Variants in TAMM41 observed in about 807,000 individuals in gnomAD.
TAMM41 encodes the protein phosphatidate cytidylyltransferase, mitochondrial.
Under a neutral mutation model 44.1 loss-of-function variants are expected in TAMM41, and 36 were observed. The ratio of observed to expected loss-of-function variants is 0.82; its 90% CI spans 0.63 to 1.08. The LOEUF is 1.08. TAMM41 is among the 50% of genes least tolerant of loss of function. The probability of loss-of-function intolerance (pLI) is 0.00; values close to 1 mark genes in which losing one functional copy is unlikely to be tolerated. For synonymous variants in TAMM41, 164 were observed against 153.1 expected, an observed-to-expected ratio of 1.07 and a Z score of -0.53; for missense variants, 417 against 404.3, an observed-to-expected ratio of 1.03 and a Z score of -0.27.
At chr3:11,826,274 C>T (rs559007395) in intron 4 of TAMM41, among the ~76,000 whole-genome samples, 1 of 152,134 alleles carries the variant, frequency 6.6e-6, no homozygotes, top group Non-Finnish European at 1.5e-5. Context: ...TGGCCCACAC[C>T]TATAATCCCA....
chr3:11,807,587 G>A (rs1056428119), intron 7 of TAMM41: 1 of 1,536,182 alleles, frequency 6.5e-7, no homozygotes, highest in South Asian at 1.2e-5. Context: ...CACACAGGAA[G>A]TGTCTCAGAA....
chr3:11,758,511 C>G, the TAMM41 span, among the ~76,000 whole-genome samples: 1 of 151,648 alleles, frequency 6.6e-6, no homozygotes, highest in African/African-American at 2.4e-5. Context: ...GCCACCATGC[C>G]CAGCTAATTT....
the TAMM41 span, among the ~76,000 whole-genome samples, chr3:11,764,786 C>A: frequency 6.6e-6 from 1 of 152,096 alleles, no homozygotes; most frequent in Non-Finnish European, 1.5e-5. Flanking sequence ...GCCACTGCAC[C>A]CGGCCCATCT....
the TAMM41 span, among the ~76,000 whole-genome samples, chr3:11,768,093 T>G: frequency 2.0e-5 from 3 of 151,474 alleles, no homozygotes; most frequent in Non-Finnish European, 4.4e-5. Flanking sequence ...TCTTTTTATG[T>G]GCTTATTGGC....
rs2079320931 is a variant in TAMM41, at chr3:11,839,208, T to TA, written c.411+13dup. The TA allele has an allele frequency of 6.3e-7, 1 of 1,583,308 alleles. No individual in the cohort carries two copies. Among genetic ancestry groups the TA allele is most frequent in the East Asian group, 2.2e-5 (1 of 44,672 alleles). Reference sequence around the variant, plus strand: ...GAAAGGCATCCTTAACTGTGCAGCCTATAAAACACTCACCGGTTTTTGGAG... The same window carrying TA: ...GAAAGGCATCCTTAACTGTGCAGCCTAATAAAACACTCACCGGTTTTTGGAG... On this transcript the variant is annotated intron_variant, in intron 3 of 7. Transcript: ENST00000455809.
At position 11,790,552 on chromosome 3, in the gene TAMM41, G is replaced by A. The variant is rs368514862; in HGVS notation, c.967C>T (p.Leu323=). The A allele has an allele frequency of 4.1e-5, 66 of 1,614,098 alleles. No individual in the cohort carries two copies. The East Asian group carries it at 5.3e-4, about 13-fold the overall frequency. The stretch of plus-strand genomic sequence containing the variant: ...CCTTTCCACATTTTGTGCAGTTTTA[G>A]TGAACTATAAATCACTGACTTCTTC... ...GLKKSVIYSS[L]KLHKMWKGWL... The change falls in exon 8 of 8, where the codon CTA becomes TTA. Residue 323 remains leucine, a synonymous_variant. Coordinates refer to ENST00000455809, the MANE Select transcript of TAMM41 (RefSeq NM_001284401.2).
the TAMM41 span, among the ~76,000 whole-genome samples, chr3:11,764,653 T>G: frequency 6.6e-6 from 1 of 151,618 alleles, no homozygotes. Flanking sequence ...CCACCACGCC[T>G]GGCTAATTTT....
At chr3:11,739,898 T>C in the TAMM41 span, among the ~76,000 whole-genome samples, 1 of 152,108 alleles carries the variant, frequency 6.6e-6, no homozygotes, top group Non-Finnish European at 1.5e-5. Context: ...CTGTGTTTTA[T>C]TCACTGCAGA....
chr3:11,829,569 C>CGAGGTTAGTGCAGGAACCACTCAAGA, intron 4 of TAMM41, 145 bp downstream of exon 4: 1 of 779,636 alleles, frequency 1.3e-6, no homozygotes, highest in Non-Finnish European at 2.0e-6. Flanking sequence ...AGGCAAATCA[C>CGAGGTTAGTGCAGGAACCACTCAAGA]GAGGTTAGTG....
the TAMM41 span, among the ~76,000 whole-genome samples, chr3:11,774,388 G>A: frequency 6.6e-6 from 1 of 152,162 alleles, no homozygotes; most frequent in Non-Finnish European, 1.5e-5. Context: ...CTGACAGGGA[G>A]GCTCTCCAGC....
At chr3:11,786,404 A>T (rs1269784664), downstream of TAMM41, among the ~76,000 whole-genome samples, 1 of 151,658 alleles carries the variant, frequency 6.6e-6, no homozygotes, top group Non-Finnish European at 1.5e-5. Flanking sequence ...TCCCAGGTTC[A>T]AGCAATTCTC....
chr3:11,776,189 A>AT, the TAMM41 span, among the ~76,000 whole-genome samples: 2,703 of 144,690 alleles, frequency 0.019, 70 homozygotes, highest in African/African-American at 0.064. Flanking sequence ...AATTTTTTGT[A>AT]TTTTTTTTTT....
At chr3:11,786,316 A>ATTATTC (rs1553564672), downstream of TAMM41, among the ~76,000 whole-genome samples, 1 of 134,698 alleles carries the variant, frequency 7.4e-6, no homozygotes, top group Admixed American at 7.4e-5. Context: ...TATTATTATT[A>ATTATTC]TTTTTTGAGA....
At chr3:11,759,258 T>C in the TAMM41 span, among the ~76,000 whole-genome samples, 4 of 151,990 alleles carry the variant, frequency 2.6e-5, no homozygotes, top group African/African-American at 9.6e-5. Flanking sequence ...GTGGAGGGAG[T>C]GATCGCCATC....
At chr3:11,756,695 G>A in the TAMM41 span, among the ~76,000 whole-genome samples, 28 of 151,916 alleles carry the variant, frequency 1.8e-4, no homozygotes, top group African/African-American at 4.8e-4. Context: ...GAGAAACCCC[G>A]TCTCTACTAA....
At chr3:11,728,029 C>T in the TAMM41 span, among the ~76,000 whole-genome samples, 7 of 152,044 alleles carry the variant, frequency 4.6e-5, no homozygotes, top group African/African-American at 1.2e-4. Flanking sequence ...TCAGGTGATC[C>T]GCCCACCTTG....
intron 7 of TAMM41, among the ~76,000 whole-genome samples, chr3:11,805,312 A>AT (rs1313827495): frequency 2.0e-5 from 3 of 151,502 alleles, no homozygotes; most frequent in Admixed American, 6.6e-5. Context: ...TATTTTTTCT[A>AT]TTTTTTTAGA....
intron 4 of TAMM41, among the ~76,000 whole-genome samples, chr3:11,828,282 AC>A (rs1324066714): frequency 6.6e-6 from 1 of 152,164 alleles, no homozygotes; most frequent in Non-Finnish European, 1.5e-5. Context: ...AATCAGCTAA[AC>A]TTGGTAGCAG....
At chr3:11,771,800 A>C in the TAMM41 span, among the ~76,000 whole-genome samples, 2 of 151,010 alleles carry the variant, frequency 1.3e-5, no homozygotes, top group Non-Finnish European at 3.0e-5. Context: ...CCAGGCTGGT[A>C]TCAAACTCCT....
Sources: allele counts gnomAD v4.1 joint callset (sites outside exome capture counted in the v4.1 genomes callset), GRCh38; gene constraint gnomAD v4.1.1; transcripts MANE v1.5; gene names NCBI Gene and HGNC (gene_info 2026-07-23, HGNC 2026-07-21).